GIGYF2: variants seen among roughly 807,000 people sequenced by gnomAD.
GIGYF2 encodes GRB10 interacting GYF protein 2.
A neutral mutation model predicts 208.1 loss-of-function variants in GIGYF2; 25 were observed. The observed-to-expected ratio is 0.12, with a 90% confidence interval of 0.09 to 0.17. GIGYF2 has a LOEUF of 0.17. Among genes scored for constraint, GIGYF2 ranks in the 10% least tolerant of loss-of-function variants. The pLI is 1.00. For missense variants in GIGYF2, 1,302 were observed against 1,579.4 expected (o/e 0.82, Z 2.98); for synonymous variants, 534 against 543.8 (o/e 0.98, Z 0.25).
intron 18 of GIGYF2, among the ~76,000 whole-genome samples, chr2:232,812,828 A>G (rs1179020346): frequency 6.6e-6 from 1 of 152,114 alleles, no homozygotes; most frequent in Non-Finnish European, 1.5e-5. Context: ...ATGGTGACCT[A>G]TTCTTTTGAG....
intron 5 of GIGYF2, among the ~76,000 whole-genome samples, chr2:232,751,631 T>C (rs908830801): frequency 5.3e-5 from 8 of 152,172 alleles, no homozygotes; most frequent in Non-Finnish European, 1.0e-4. Flanking sequence ...AAAAATTCCT[T>C]TTTATGTTTC....
At chr2:232,787,109 G>C (rs1467659064) in intron 8 of GIGYF2, 41 bp from the exon 9 acceptor site, 1 of 1,453,312 alleles carries the variant, frequency 6.9e-7, no homozygotes, top group Non-Finnish European at 9.7e-7. Flanking sequence ...GCCTATACTG[G>C]CAGAGGCTCA....
At chr2:232,824,770 G>T (rs945255124) in intron 21 of GIGYF2, among the ~76,000 whole-genome samples, 2 of 152,204 alleles carry the variant, frequency 1.3e-5, no homozygotes, top group Non-Finnish European at 2.9e-5. Flanking sequence ...TCTACTAGAA[G>T]ATATTATCTA....
chr2:232,792,641 A>G (rs776029431), intron 12 of GIGYF2, among the ~76,000 whole-genome samples: 17 of 151,916 alleles, frequency 1.1e-4, no homozygotes, highest in Non-Finnish European at 2.2e-4. Context: ...CTGGATCCGA[A>G]CTCCTGGGCT....
At chr2:232,727,798 C>A (rs1327477589) in intron 2 of GIGYF2, among the ~76,000 whole-genome samples, 1 of 152,164 alleles carries the variant, frequency 6.6e-6, no homozygotes, top group Non-Finnish European at 1.5e-5. Flanking sequence ...TCCGTTAAAT[C>A]TGTCTTTCTA....
chr2:232,775,273 T>TA (rs1388138198), intron 8 of GIGYF2, among the ~76,000 whole-genome samples: 1 of 152,128 alleles, frequency 6.6e-6, no homozygotes, highest in East Asian at 1.9e-4. Context: ...GTTGGTTACA[T>TA]AGCTGTGTCA....
intron 8 of GIGYF2, among the ~76,000 whole-genome samples, chr2:232,774,062 G>C (rs77361747): frequency 0.012 from 1,863 of 151,878 alleles, 45 homozygotes; most frequent in African/African-American, 0.042. Context: ...CGGGAGGATT[G>C]CTTGAGGTCG....
At chr2:232,743,109 G>T (rs1230201892) in intron 3 of GIGYF2, among the ~76,000 whole-genome samples, 1 of 152,116 alleles carries the variant, frequency 6.6e-6, no homozygotes, top group Admixed American at 6.5e-5. Flanking sequence ...GGCTTTGGGG[G>T]GCCTGCTGCT....
Position 232,806,492 on chromosome 2 carries a change from T to A in GIGYF2, c.1641T>A (p.Gly547=), listed in dbSNP as rs1293238040. The part of the protein sequence containing the change: ...YYKDPQGEIQ[G]PFNNQEMAEW... ...TCTGTTTAATTGGTGCTGTTATAGG[T>A]CCCTTCAATAATCAGGAGATGGCAG... Residue 547 remains glycine (G), a splice_region_variant and synonymous_variant, in exon 15 of 29, where the codon GGT becomes GGA. Coordinates refer to ENST00000373563, the MANE Select transcript of GIGYF2 (RefSeq NM_001103146.3). The surrounding 1 kb of genome is among the most constrained non-coding windows in gnomAD (Gnocchi z 4.0). 1.1e-5 allele frequency: 18 copies of A among 1,596,498 alleles called. No individual in the cohort carries two copies. The highest frequency in any genetic ancestry group is 1.7e-5 in the Admixed American group (1 of 59,972).
At chr2:232,767,958 T>G (rs1387347445) in intron 8 of GIGYF2, 1 of 529,140 alleles carries the variant, frequency 1.9e-6, no homozygotes. Context: ...TGTATAAGTG[T>G]CTGTCAAGTT....
At chr2:232,813,880 GATTT>G (rs1329590265) in intron 18 of GIGYF2, among the ~76,000 whole-genome samples, 2 of 122,614 alleles carry the variant, frequency 1.6e-5, no homozygotes, top group African/African-American at 6.0e-5. Context: ...TTCACAAGTG[GATTT>G]TTTTTTTTTT....
rs772402104 is a variant in GIGYF2 at position 232,809,797 on chromosome 2, G to A, written c.1884G>A (p.Gln628=). The change falls in exon 16 of 29, where the codon CAG becomes CAA. Residue 628 remains glutamine (Q), a synonymous_variant. Transcript: ENST00000373563. ...ALYQMQHLQY[Q]QFLIQQQYAQ... is the part of the protein sequence containing the mutation. ...ACCAGATGCAGCACCTGCAGTACCA[G>A]CAGTTTTTAATACAGTAAGAAGAGT... The A allele has an allele frequency of 2.5e-6, 4 of 1,589,374 alleles. No individual in the cohort carries two copies. The highest frequency in any genetic ancestry group is 1.3e-5 in the African/African-American group (1 of 74,396).
At position 232,708,932 on chromosome 2, in the gene GIGYF2, G is replaced by A. The variant is rs1472268378; in HGVS notation, c.-44+5443G>A. On this transcript the variant is annotated intron_variant, in intron 2 of 28. Coordinates refer to ENST00000373563, the MANE Select transcript of GIGYF2 (RefSeq NM_001103146.3). ...AGGTCAAGAGTCAGGACCAGCCTGG[G>A]CAACATGGAGAATCTCCATCTCTAC... Among the ~76,000 whole-genome samples the A allele has an allele frequency of 3.3e-5, 5 of 152,120 alleles. No homozygotes were observed. The East Asian group carries it at 7.7e-4, about 23-fold the overall frequency.
chr2:232,794,607 A>G, intron 12 of GIGYF2, 141 bp from the exon 13 acceptor site: 1 of 732,106 alleles, frequency 1.4e-6, no homozygotes, highest in East Asian at 2.5e-5. Context: ...ACGTTTCTCC[A>G]TAGAAGTAGC....
intron 8 of GIGYF2, among the ~76,000 whole-genome samples, chr2:232,778,126 GGGTCTTGCTGTGTTGTCTAGGCT>G (rs1238653507): frequency 6.6e-6 from 1 of 151,968 alleles, no homozygotes; most frequent in East Asian, 1.9e-4. Flanking sequence ...TGTAGAGGCA[GGGTCTTGCTGTGTTGTCTAGGCT>G]GGTCTTGAAC....
chr2:232,735,035 T>C, intron 2 of GIGYF2, 120 bp from the exon 3 acceptor site: 2 of 624,316 alleles, frequency 3.2e-6, no homozygotes, highest in South Asian at 4.0e-5. Flanking sequence ...TTTCAAAATC[T>C]CATTTTTGTG....
chr2:232,769,413 C>T (rs866193082), intron 8 of GIGYF2, among the ~76,000 whole-genome samples: 1 of 151,382 alleles, frequency 6.6e-6, no homozygotes, highest in South Asian at 2.1e-4. Context: ...TGCCTGTAAT[C>T]CCAGCTACTC....
At chr2:232,814,575 C>CCT (rs1553616935) in intron 18 of GIGYF2, among the ~76,000 whole-genome samples, 6 of 136,096 alleles carry the variant, frequency 4.4e-5, no homozygotes, top group Non-Finnish European at 9.8e-5. Flanking sequence ...ACCCCCCCCC[C>CCT]CCAAAAAAAA....
rs1701763534 is a variant in GIGYF2 at position 232,839,855 on chromosome 2, T to C, written c.2773T>C (p.Ser925Pro). The change falls in exon 23 of 29, where the codon TCT (serine) becomes CCT (proline). Residue 925 changes from serine (S) to proline (P), a missense_variant. Coordinates refer to ENST00000373563, the MANE Select transcript of GIGYF2 (RefSeq NM_001103146.3). ...QQQLAQMKLP[S>P]SSTWGQQSNT... ...GCCTTCCCTTTTTTGTTAGCTTCCT[T>C]CTTCTTCAACGTGGGGCCAGCAGTC... The C allele has an allele frequency of 6.2e-7, 1 of 1,614,122 alleles. No individual in the cohort carries two copies. The highest frequency in any genetic ancestry group is 8.5e-7 in the Non-Finnish European group (1 of 1,179,966).
Sources: gnomAD v4.1 joint callset for allele counts (sites outside exome capture counted in the v4.1 genomes callset) on GRCh38, gnomAD v4.1.1 for gene constraint, Gnocchi (gnomAD v3.1) non-coding constraint, MANE v1.5 for transcripts, NCBI Gene and HGNC (gene_info 2026-07-23, HGNC 2026-07-21) for gene names.